Variants in SEC31A observed in about 807,000 individuals in gnomAD.
SEC31A encodes protein transport protein Sec31A.
SEC31A carries 70 observed loss-of-function variants against 151.0 expected under a neutral mutation model. The observed-to-expected ratio is 0.46, with a 90% CI of 0.38 to 0.57. The LOEUF (loss-of-function observed/expected upper bound fraction) is 0.57, where lower values mean the gene tolerates loss of function less well. SEC31A is among the 20% of genes least tolerant of loss of function. The pLI is 0.00. For synonymous variants in SEC31A, 475 were observed against 505.9 expected (o/e 0.94, Z 0.82); for missense variants, 1,330 against 1,471.2 (o/e 0.90, Z 1.57).
chr4:82,879,345 A>G (rs1320955207), intron 3 of SEC31A, among the ~76,000 whole-genome samples: 2 of 144,234 alleles, frequency 1.4e-5, no homozygotes, highest in Non-Finnish European at 3.0e-5. Flanking sequence ...TGACTATAGA[A>G]GGGTCTCATG....
intron 14 of SEC31A, among the ~76,000 whole-genome samples, chr4:82,858,164 G>A (rs186054110): frequency 6.6e-6 from 1 of 151,998 alleles, no homozygotes; most frequent in East Asian, 1.9e-4. Context: ...TGTAATCCCA[G>A]CACTTTGGGA....
chr4:82,864,449 C>T lies in SEC31A; in HGVS notation c.1347G>A (p.Val449=). 1 of 1,614,158 alleles carries T rather than the reference C, an allele frequency of 6.2e-7. No individual in the cohort carries two copies. The highest frequency in any genetic ancestry group is 8.5e-7 in the Non-Finnish European group (1 of 1,180,044). Reference sequence around the variant, plus strand: ...AATAATTGATAAATCCTTGTGACTGCACAGCCTGCTGAAGTTGGTCTGATC... The same window carrying T: ...AATAATTGATAAATCCTTGTGACTGTACAGCCTGCTGAAGTTGGTCTGATC... ...LSRSDQLQQA[V]QSQGFINYCQ... Residue 449 remains valine (V), a synonymous_variant, in exon 11 of 27, where the codon GTG becomes GTA. Coordinates refer to ENST00000395310, the MANE Select transcript of SEC31A (RefSeq NM_001077207.4).
At position 82,864,613 on chromosome 4, in the gene SEC31A, A is replaced by G. The variant is rs751184922; in HGVS notation, c.1198-15T>C. ...TTGCCTCCAAACTATAAAAGAGAGA[A>G]TGAACAAACTCAGTGTTAACCCAAG... is the stretch of plus-strand genomic sequence containing the variant. On this transcript the variant is annotated splice_polypyrimidine_tract_variant and intron_variant, in intron 10 of 26. Coordinates refer to ENST00000395310, the MANE Select transcript of SEC31A (RefSeq NM_001077207.4). The G allele has an allele frequency of 2.1e-5, 33 of 1,609,714 alleles. No individual in the cohort carries two copies. Among genetic ancestry groups the G allele is most frequent in the Non-Finnish European group, 2.7e-5 (32 of 1,176,932 alleles).
intron 6 of SEC31A, among the ~76,000 whole-genome samples, chr4:82,873,309 T>C (rs951536196): frequency 6.6e-6 from 1 of 151,378 alleles, no homozygotes; most frequent in East Asian, 2.0e-4. Context: ...AGTGCCATGA[T>C]TGCGCCCCTA....
chr4:82,879,892 C>T (rs1023871322), intron 3 of SEC31A, among the ~76,000 whole-genome samples: 3 of 152,108 alleles, frequency 2.0e-5, no homozygotes, highest in Admixed American at 6.5e-5. Context: ...TTCTAAATAT[C>T]GTAACAGAAG....
Position 82,819,005 on chromosome 4 carries a change from T to C in SEC31A, c.*69A>G. ...ATGCTAATGAGGACTAGTCCATGTC[T>C]TATAATTTTTTTTTTTAACATGTTT... is the stretch of plus-strand genomic sequence containing the variant. On this transcript the variant is annotated 3_prime_UTR_variant, in exon 27 of 27. Coordinates refer to ENST00000395310, the MANE Select transcript of SEC31A (RefSeq NM_001077207.4). 1.5e-6 allele frequency: 2 copies of C among 1,366,376 alleles called. No individual in the cohort carries two copies. Among genetic ancestry groups the C allele is most frequent in the Non-Finnish European group, 2.0e-6 (2 of 1,000,264 alleles). The allele number at this position is 1,366,376 out of a possible 1,614,324, so 84.6% of individuals were successfully genotyped here. A position where few individuals can be genotyped will look rare whatever the true frequency, so the allele number is the denominator to read the frequency against.
At chr4:82,861,469 T>C (rs1734102570) in intron 14 of SEC31A, among the ~76,000 whole-genome samples, 162 bp downstream of exon 14, 1 of 152,236 alleles carries the variant, frequency 6.6e-6, no homozygotes, top group Admixed American at 6.5e-5. Flanking sequence ...ATGATACTTC[T>C]GTCAGTATAG....
Position 82,878,884 on chromosome 4 carries a change from C to T in SEC31A, c.248G>A (p.Gly83Glu). ...TGCAATCAGAACTCCAGAGACATCT[C>T]CTTTGGAATCCATTTTATAAGGCCC... Reference protein sequence around the residue: ...IWGPYKMDSKGDVSGVLIAGG... With the variant: ...IWGPYKMDSKEDVSGVLIAGG... The change falls in exon 4 of 27, where the codon GGA (glycine) becomes GAA (glutamate). Residue 83 changes from glycine (G) to glutamate (E), a missense_variant. Coordinates refer to ENST00000395310, the MANE Select transcript of SEC31A (RefSeq NM_001077207.4). 1 of 1,613,892 alleles carries T rather than the reference C, an allele frequency of 6.2e-7. No homozygotes were observed. The highest frequency in any genetic ancestry group is 8.5e-7 in the Non-Finnish European group (1 of 1,179,850).
chr4:82,824,103 T>C (rs1016738104), intron 25 of SEC31A, among the ~76,000 whole-genome samples: 6 of 152,258 alleles, frequency 3.9e-5, no homozygotes, highest in African/African-American at 7.2e-5. Flanking sequence ...ATGCAAACTA[T>C]GTAAGTGCTA....
At chr4:82,845,263 TC>T in intron 20 of SEC31A, 1 of 1,533,516 alleles carries the variant, frequency 6.5e-7, no homozygotes, top group Non-Finnish European at 8.7e-7. Context: ...GTTTTGTTAC[TC>T]CAGGTAGTGA....
At chr4:82,887,436 G>A (rs1022347048) in intron 1 of SEC31A, among the ~76,000 whole-genome samples, 17 of 152,160 alleles carry the variant, frequency 1.1e-4, no homozygotes, top group Non-Finnish European at 5.9e-5. Context: ...AGAAAATTGT[G>A]TGGGCTTGTT....
rs1735618460 is a variant in SEC31A, at chr4:82,867,261, G to T, written c.938C>A (p.Pro313His). ...TQWCFDIQWC[P>H]RNPAVLSAAS... ...AGCTGATAAGACAGCAGGATTTCGG[G>T]GACACCACTGAATATCGAAGCACCA... Residue 313 changes from proline to histidine, a missense_variant, in exon 9 of 27, where the codon CCC becomes CAC. By Grantham distance (77) the Pro-to-His change is moderately conservative. Coordinates refer to ENST00000395310, the MANE Select transcript of SEC31A (RefSeq NM_001077207.4). 1 of 1,613,836 alleles carries T rather than the reference G, an allele frequency of 6.2e-7. No individual in the cohort carries two copies. Among genetic ancestry groups the T allele is most frequent in the Non-Finnish European group, 8.5e-7 (1 of 1,179,836 alleles).
At chr4:82,866,058 T>G (rs1735301052) in intron 10 of SEC31A, among the ~76,000 whole-genome samples, 1 of 130,384 alleles carries the variant, frequency 7.7e-6, no homozygotes. Flanking sequence ...GGGAGGACAC[T>G]CCCTGCAAAA....
chr4:82,891,099 C>T lies in SEC31A; in HGVS notation c.-16G>A, dbSNP rs1719665956. On this transcript the variant is annotated 5_prime_UTR_variant, in exon 1 of 27. Coordinates refer to ENST00000395310, the MANE Select transcript of SEC31A (RefSeq NM_001077207.4). ...ACGGGCGGACGCACCTGGCGAGGAC[C>T]TTCGGCAGCCGGATCCTGCGTTAGT... is the stretch of plus-strand genomic sequence containing the variant. 2.0e-6 allele frequency: 3 copies of T among 1,535,886 alleles called. No individual in the cohort carries two copies. Among genetic ancestry groups the T allele is most frequent in the African/African-American group, 1.4e-5 (1 of 73,050 alleles).
chr4:82,861,483 G>T (rs1734105944), intron 14 of SEC31A, 148 bp downstream of exon 14: 1 of 564,588 alleles, frequency 1.8e-6, no homozygotes, highest in Non-Finnish European at 3.3e-6. Flanking sequence ...AGTATAGGTA[G>T]ATAGATTCCT....
Position 82,864,467 on chromosome 4 carries a change from G to A in SEC31A, c.1329C>T (p.Asp443=), listed in dbSNP as rs761527760. ...VTEKEFLSRS[D]QLQQAVQSQG... ...GTGACTGCACAGCCTGCTGAAGTTG[G>A]TCTGATCGGCTGAGGAACTCCTTTT... Residue 443 remains aspartate (D), a synonymous_variant, in exon 11 of 27, where the codon GAC becomes GAT. Transcript: ENST00000395310. 6.2e-7 allele frequency: 1 copy of A among 1,614,182 alleles called. No individual in the cohort carries two copies. Among genetic ancestry groups the A allele is most frequent in the South Asian group, 1.1e-5 (1 of 91,084 alleles).
intron 17 of SEC31A, among the ~76,000 whole-genome samples, 191 bp downstream of exon 17, chr4:82,854,712 T>TA (rs79298254): frequency 3.6e-4 from 51 of 140,312 alleles, no homozygotes; most frequent in East Asian, 8.3e-4. Context: ...CTAGTAGATT[T>TA]AAAAAAAAAA....
At chr4:82,866,697 T>C in intron 10 of SEC31A, 111 bp downstream of exon 10, 1 of 944,556 alleles carries the variant, frequency 1.1e-6, no homozygotes, top group East Asian at 2.8e-5. Flanking sequence ...CACAAGTACA[T>C]CTCAAATCCC....
At chr4:82,883,288 A>G (rs1739812283) in intron 1 of SEC31A, among the ~76,000 whole-genome samples, 1 of 152,228 alleles carries the variant, frequency 6.6e-6, no homozygotes. Flanking sequence ...GTTTTTAGCT[A>G]TTTTTACAAA....
Sources: gnomAD v4.1 joint callset for allele counts (sites outside exome capture counted in the v4.1 genomes callset) on GRCh38, gnomAD v4.1.1 for gene constraint, MANE v1.5 for transcripts, NCBI Gene and HGNC (gene_info 2026-07-23, HGNC 2026-07-21) for gene names.